RTL4: variants seen among roughly 807,000 people sequenced by gnomAD.
RTL4 encodes the protein retrotransposon Gag like 4.
A neutral mutation model predicts 5.3 loss-of-function variants in RTL4; 4 were observed. The observed-to-expected ratio is 0.75, with a 90% confidence interval of 0.37 to 1.72. RTL4 has a LOEUF of 1.72. RTL4 is among the 40% of genes most tolerant of loss of function. The pLI is 0.04. For synonymous variants in RTL4, 98 were observed against 87.3 expected (o/e 1.12, Z -0.68); for missense variants, 260 against 227.1 (o/e 1.14, Z -0.93).
chrX:112,095,396 G>T, the RTL4 span, among the ~76,000 whole-genome samples: 1 of 111,785 alleles, frequency 8.9e-6, no homozygotes, highest in African/African-American at 3.3e-5. Flanking sequence ...AGAGCAGGTT[G>T]GTGGTTCTTC....
chrX:112,197,944 C>T, the RTL4 span, among the ~76,000 whole-genome samples: 4 of 111,524 alleles, frequency 3.6e-5, no homozygotes, highest in African/African-American at 9.8e-5. Flanking sequence ...TCTTTTTCTT[C>T]ACAGCCTCAT....
the RTL4 span, among the ~76,000 whole-genome samples, chrX:112,400,360 CATTA>C: frequency 8.9e-6 from 1 of 111,763 alleles, no homozygotes; most frequent in Non-Finnish European, 1.9e-5. Flanking sequence ...TCCGCTCTGA[CATTA>C]ATTAAGTTTA....
chrX:112,119,137 C>T, the RTL4 span, among the ~76,000 whole-genome samples: 1 of 109,407 alleles, frequency 9.1e-6, no homozygotes, highest in Admixed American at 9.9e-5. Context: ...GGATTACAGA[C>T]CCATTTTGTA....
chrX:112,198,843 T>C, the RTL4 span, among the ~76,000 whole-genome samples: 5 of 111,054 alleles, frequency 4.5e-5, no homozygotes, highest in African/African-American at 1.6e-4. Flanking sequence ...CGGAGTGTCA[T>C]GGAGTATATA....
chrX:112,413,370 G>A, the RTL4 span, among the ~76,000 whole-genome samples: 1 of 110,886 alleles, frequency 9.0e-6, no homozygotes, highest in African/African-American at 3.3e-5. Flanking sequence ...CCCCAAAAAG[G>A]AAATCAGTAT....
At chrX:112,273,476 TCTCCTGA>T in the RTL4 span, among the ~76,000 whole-genome samples, 1 of 111,210 alleles carries the variant, frequency 9.0e-6, no homozygotes, top group Non-Finnish European at 1.9e-5. Flanking sequence ...ATGGTCTCAA[TCTCCTGA>T]CCTTGTGATC....
At chrX:112,089,392 GTCT>G in the RTL4 span, among the ~76,000 whole-genome samples, 1 of 110,859 alleles carries the variant, frequency 9.0e-6, no homozygotes, top group African/African-American at 3.3e-5. Context: ...TTATATTTAG[GTCT>G]TTAAACCACT....
the RTL4 span, among the ~76,000 whole-genome samples, chrX:112,311,567 C>A: frequency 2.7e-5 from 3 of 110,718 alleles, no homozygotes; most frequent in Admixed American, 2.0e-4. Flanking sequence ...AGACTTTTTC[C>A]CTCCCTCCTC....
chrX:112,170,563 G>C, the RTL4 span, among the ~76,000 whole-genome samples: 1 of 111,457 alleles, frequency 9.0e-6, no homozygotes, highest in Non-Finnish European at 1.9e-5. Context: ...CCTGTTGTTG[G>C]TGTACAGGAA....
At chrX:112,356,278 C>T in the RTL4 span, among the ~76,000 whole-genome samples, 1 of 111,498 alleles carries the variant, frequency 9.0e-6, no homozygotes, top group Non-Finnish European at 1.9e-5. Flanking sequence ...CCTTTATGCT[C>T]AAAATTCATG....
chrX:112,315,648 T>C, the RTL4 span, among the ~76,000 whole-genome samples: 1 of 111,756 alleles, frequency 8.9e-6, no homozygotes, highest in Non-Finnish European at 1.9e-5. Flanking sequence ...TCAAAATATA[T>C]TGTTTTATGT....
chrX:112,337,404 C>A, the RTL4 span, among the ~76,000 whole-genome samples: 2 of 110,662 alleles, frequency 1.8e-5, no homozygotes, highest in Non-Finnish European at 3.8e-5. Context: ...CTGTCTCAGC[C>A]TCTCAAGTAG....
At chrX:112,193,689 C>A in the RTL4 span, among the ~76,000 whole-genome samples, 1 of 111,101 alleles carries the variant, frequency 9.0e-6, no homozygotes, top group Non-Finnish European at 1.9e-5. Context: ...TCCCTTTATG[C>A]ATACTTGATG....
At chrX:112,102,815 C>T in the RTL4 span, among the ~76,000 whole-genome samples, 1 of 111,811 alleles carries the variant, frequency 8.9e-6, no homozygotes, top group African/African-American at 3.3e-5. Context: ...ATGTGGACAA[C>T]AAACATATGA....
At chrX:112,307,039 T>A in the RTL4 span, among the ~76,000 whole-genome samples, 72 of 111,785 alleles carry the variant, frequency 6.4e-4, no homozygotes, top group African/African-American at 2.2e-3. Context: ...TTGGCATTCC[T>A]TCCATGGGCC....
At chrX:112,288,688 T>G in the RTL4 span, among the ~76,000 whole-genome samples, 2 of 111,887 alleles carry the variant, frequency 1.8e-5, no homozygotes, top group East Asian at 2.8e-4. Flanking sequence ...TGGCTGGGGC[T>G]CTTCTCTATA....
chrX:112,441,121 T>C, the RTL4 span, among the ~76,000 whole-genome samples: 1 of 111,545 alleles, frequency 9.0e-6, no homozygotes, highest in African/African-American at 3.3e-5. Context: ...TGAATCTGCT[T>C]TGAAACATTC....
chrX:112,330,999 A>T, the RTL4 span, among the ~76,000 whole-genome samples: 1 of 109,056 alleles, frequency 9.2e-6, no homozygotes, highest in African/African-American at 3.3e-5. Context: ...CTTATACAAA[A>T]ATTAATTCAA....
chrX:112,138,165 A>G, the RTL4 span, among the ~76,000 whole-genome samples: 1 of 112,514 alleles, frequency 8.9e-6, no homozygotes, highest in Admixed American at 9.4e-5. Flanking sequence ...ACTGCATCAT[A>G]CTACTTATAT....
Sources: gnomAD v4.1 joint callset for allele counts (sites outside exome capture counted in the v4.1 genomes callset) on GRCh38, gnomAD v4.1.1 for gene constraint, MANE v1.5 for transcripts, NCBI Gene and HGNC (gene_info 2026-07-23, HGNC 2026-07-21) for gene names.